The following ARFGEF3 variants were observed in gnomAD, a reference collection of about 807,000 sequenced individuals.
The protein encoded by ARFGEF3 is brefeldin A-inhibited guanine nucleotide-exchange protein 3.
ARFGEF3 carries 96 observed loss-of-function variants against 221.7 expected under a neutral mutation model. The observed-to-expected ratio is 0.43, with a 90% CI of 0.37 to 0.51. ARFGEF3 has a LOEUF of 0.51. Among genes scored for constraint, ARFGEF3 ranks in the 20% least tolerant of loss-of-function variants. The pLI is 0.00. For synonymous variants in ARFGEF3, 1,145 were observed against 1,126.8 expected (o/e 1.02, Z -0.32); for missense variants, 2,410 against 2,789.9 (o/e 0.86, Z 3.07).
chr6:138,323,627 A>G, intron 29 of ARFGEF3, 44 bp from the exon 30 acceptor site: 2 of 1,580,554 alleles, frequency 1.3e-6, no homozygotes, highest in South Asian at 1.1e-5. Context: ...AACAAACAAC[A>G]ACAACAACAA....
At chr6:138,204,952 G>A (rs72986850) in intron 2 of ARFGEF3, among the ~76,000 whole-genome samples, 1,605 of 152,250 alleles carry the variant, frequency 0.011, 15 homozygotes, top group Non-Finnish European at 0.017. Context: ...TCCTGGTGGT[G>A]GTGCAACCTG....
intron 4 of ARFGEF3, 144 bp downstream of exon 4, chr6:138,210,185 G>A: frequency 1.3e-6 from 1 of 769,690 alleles, no homozygotes; most frequent in Non-Finnish European, 2.0e-6. Context: ...TCTTGCTCAT[G>A]GTCCCCCTAA....
intron 8 of ARFGEF3, among the ~76,000 whole-genome samples, chr6:138,251,265 CTG>C (rs1278471210): frequency 6.6e-6 from 1 of 152,158 alleles, no homozygotes; most frequent in African/African-American, 2.4e-5. Flanking sequence ...AGAGTCTTTC[CTG>C]TCTATAGTTG....
intron 20 of ARFGEF3, among the ~76,000 whole-genome samples, chr6:138,295,894 CA>C (rs1341868596): frequency 6.6e-6 from 1 of 152,080 alleles, no homozygotes; most frequent in Non-Finnish European, 1.5e-5. Context: ...CCAAGGGGTA[CA>C]AAAATTGCCT....
chr6:138,205,659 A>G (rs556321751), intron 2 of ARFGEF3, among the ~76,000 whole-genome samples: 88 of 152,358 alleles, frequency 5.8e-4, no homozygotes, highest in Admixed American at 3.3e-3. Flanking sequence ...ACAGCCACCC[A>G]ACTGGATGTA....
At position 138,176,590 on chromosome 6, in the gene ARFGEF3, C is replaced by T. The variant is rs183685300; in HGVS notation, c.137+5877C>T. ...GGTATGTGAGGTTTTGTTCCTGTCA[C>T]GTTGTCATTTAGATTCTTTGTTTTT... On this transcript the variant is annotated intron_variant, in intron 2 of 33. Coordinates refer to ENST00000251691, the MANE Select transcript of ARFGEF3 (RefSeq NM_020340.5). Among the ~76,000 whole-genome samples, 544 of 152,084 alleles carry T rather than the reference C, an allele frequency of 3.6e-3. 2 individuals are homozygous for T. Among genetic ancestry groups the T allele is most frequent in the Middle Eastern group, 0.017 (5 of 294 alleles).
At chr6:138,321,433 C>G (rs1780025679) in intron 29 of ARFGEF3, among the ~76,000 whole-genome samples, 1 of 152,110 alleles carries the variant, frequency 6.6e-6, no homozygotes, top group Non-Finnish European at 1.5e-5. Context: ...ACAAAGTATT[C>G]TGGTTCAGTT....
In ARFGEF3 at chr6:138,299,071, G is replaced by A. The variant is rs148592135; in HGVS notation, c.3828+286G>A. On this transcript the variant is annotated intron_variant, in intron 22 of 33. Coordinates refer to ENST00000251691, the MANE Select transcript of ARFGEF3 (RefSeq NM_020340.5). ...AAGTTAGCCAGGTGTGGTGTTGCACGCCTGTAACCCCAGCTACTCAGGAGG... is the reference window on the plus strand; with the variant it reads ...AAGTTAGCCAGGTGTGGTGTTGCACACCTGTAACCCCAGCTACTCAGGAGG... Among the ~76,000 whole-genome samples the A allele has an allele frequency of 4.4e-3, 669 of 151,844 alleles. 6 individuals are homozygous for A. The highest frequency in any genetic ancestry group is 0.015 in the African/African-American group (628 of 41,398).
intron 12 of ARFGEF3, among the ~76,000 whole-genome samples, chr6:138,273,205 G>A (rs1449962111): frequency 6.6e-6 from 1 of 151,988 alleles, no homozygotes; most frequent in African/African-American, 2.4e-5. Flanking sequence ...CTTGAGAGAA[G>A]CGGGGACTAC....
chr6:138,198,597 G>A (rs1777475536), intron 2 of ARFGEF3, among the ~76,000 whole-genome samples: 2 of 152,178 alleles, frequency 1.3e-5, no homozygotes, highest in African/African-American at 4.8e-5. Context: ...TCACCACAGT[G>A]AGGGTAGAAA....
chr6:138,217,540 T>G (rs950478764), intron 4 of ARFGEF3: 4 of 154,428 alleles, frequency 2.6e-5, no homozygotes, highest in Admixed American at 1.9e-4. Flanking sequence ...TTACACATTG[T>G]AATGTCTCCT....
intron 9 of ARFGEF3, among the ~76,000 whole-genome samples, chr6:138,254,778 C>T (rs979518122): frequency 2.0e-5 from 3 of 152,092 alleles, no homozygotes; most frequent in East Asian, 3.8e-4. Flanking sequence ...GACCAAACTC[C>T]GCAGAAAAAC....
At chr6:138,212,564 G>C (rs1777750550) in intron 4 of ARFGEF3, among the ~76,000 whole-genome samples, 1 of 152,092 alleles carries the variant, frequency 6.6e-6, no homozygotes, top group South Asian at 2.1e-4. Context: ...CTACTATAAA[G>C]ACACATGCAC....
chr6:138,255,445 C>A lies in ARFGEF3; in HGVS notation c.780C>A (p.Leu260=). The change falls in exon 10 of 34, where the codon CTC becomes CTA. Residue 260 remains leucine, a synonymous_variant. Transcript: ENST00000251691. ...CACCATCTCTTCCCAGGAAAAACCT[C>A]TGCCCTGCTCTCATCGTGATCTTGG... ...RRFTDLIWKN[L]CPALIVILGN... 6.3e-7 allele frequency: 1 copy of A among 1,582,530 alleles called. No homozygotes were observed. The highest frequency in any genetic ancestry group is 8.6e-7 in the Non-Finnish European group (1 of 1,156,444).
rs375058495 is a variant in ARFGEF3 at position 138,162,052 on chromosome 6, C to A, written c.-35C>A. On this transcript the variant is annotated 5_prime_UTR_variant, in exon 1 of 34. Coordinates refer to ENST00000251691, the MANE Select transcript of ARFGEF3 (RefSeq NM_020340.5). This position sits in a 1 kb window ranked among gnomAD's most constrained non-coding sequence, Gnocchi z 4.7. ...GGCCCGGCTCGCCCGCGCTTCTCTC[C>A]CTGTGGGCGGCGGCCCGGCGCCTGG... 38 of 1,527,572 alleles carry A rather than the reference C, an allele frequency of 2.5e-5. No individual in the cohort carries two copies. In the African/African-American group the frequency reaches 4.4e-4, roughly 18 times the overall value. The allele number at this position is 1,527,572 out of a possible 1,614,324, so 94.6% of individuals were successfully genotyped here.
intron 15 of ARFGEF3, among the ~76,000 whole-genome samples, chr6:138,286,449 C>CAAAAA (rs960871572): frequency 3.5e-5 from 2 of 56,540 alleles, no homozygotes; most frequent in African/African-American, 6.5e-5. Context: ...GACTCCGTCT[C>CAAAAA]AAAAAAAAAA....
chr6:138,219,247 G>A (rs1777933991), intron 4 of ARFGEF3, among the ~76,000 whole-genome samples: 2 of 152,078 alleles, frequency 1.3e-5, no homozygotes, highest in African/African-American at 2.4e-5. Flanking sequence ...TTGGGAGAGA[G>A]GGCATTCTTG....
chr6:138,169,967 C>G (rs76171842), intron 1 of ARFGEF3, among the ~76,000 whole-genome samples: 1 of 152,088 alleles, frequency 6.6e-6, no homozygotes, highest in Admixed American at 6.6e-5. Flanking sequence ...AGAAAGGGGT[C>G]AACACAATTT....
chr6:138,281,677 G>C (rs1286730033), intron 14 of ARFGEF3, among the ~76,000 whole-genome samples: 1 of 152,166 alleles, frequency 6.6e-6, no homozygotes, highest in Non-Finnish European at 1.5e-5. Flanking sequence ...AGTGTTCCGT[G>C]GTGTATATGG....
Sources: allele counts gnomAD v4.1 joint callset (sites outside exome capture counted in the v4.1 genomes callset), GRCh38; gene constraint gnomAD v4.1.1; non-coding constraint Gnocchi (gnomAD v3.1); transcripts MANE v1.5; gene names NCBI Gene and HGNC (gene_info 2026-07-23, HGNC 2026-07-21).